The following RRP12 variants were observed in gnomAD, a reference collection of about 807,000 sequenced individuals.
The protein encoded by RRP12 is RRP12-like protein.
Under a neutral mutation model 157.3 loss-of-function variants are expected in RRP12, and 78 were observed. The ratio of observed to expected loss-of-function variants is 0.50; its 90% CI spans 0.41 to 0.60. The LOEUF is 0.60. RRP12 is among the 20% of genes least tolerant of loss of function. The probability of loss-of-function intolerance (pLI) is 0.00; values close to 1 mark genes in which losing one functional copy is unlikely to be tolerated. For missense variants in RRP12, 1,521 were observed against 1,679.9 expected (o/e 0.91, Z 1.65); for synonymous variants, 726 against 670.9 (o/e 1.08, Z -1.27).
At chr10:97,380,960 GCCC>G (rs1236956925) in intron 12 of RRP12, 47 bp from the exon 13 acceptor site, 1 of 1,456,794 alleles carries the variant, frequency 6.9e-7, no homozygotes, top group African/African-American at 1.4e-5. Flanking sequence ...ACCACCCTGT[GCCC>G]CCCACCAGAG....
intron 3 of RRP12, 57 bp downstream of exon 3, chr10:97,396,161 C>T (rs1844956784): frequency 7.8e-7 from 1 of 1,288,198 alleles, no homozygotes; most frequent in African/African-American, 1.5e-5. Context: ...CATCTTCTCG[C>T]TAAATCTTGC....
At chr10:97,397,791 T>C (rs1845008394) in intron 2 of RRP12, among the ~76,000 whole-genome samples, 2 of 150,756 alleles carry the variant, frequency 1.3e-5, no homozygotes, top group Admixed American at 6.7e-5. Flanking sequence ...AAACCCCATC[T>C]CTACAAAAAA....
intron 3 of RRP12, among the ~76,000 whole-genome samples, chr10:97,395,207 T>TATACACACACACACACAC (rs112214269): frequency 8.7e-5 from 13 of 149,972 alleles, no homozygotes; most frequent in African/African-American, 3.0e-4. Context: ...TATACACATA[T>TATACACACACACACACAC]ACACACACAC....
At position 97,363,869 on chromosome 10, in the gene RRP12, A is replaced by G. The variant is rs1187543510; in HGVS notation, c.3552T>C (p.Asp1184=). The G allele has an allele frequency of 2.5e-6, 4 of 1,613,924 alleles. No homozygotes were observed. The highest frequency in any genetic ancestry group is 3.4e-6 in the Non-Finnish European group (4 of 1,179,956). The part of the protein sequence containing the change: ...EDEEMADPME[D]VIIRNKKHQK... ...AACTACTCACATTCCTGATGATCAC[A>G]TCTTCCATTGGGTCAGCCATCTCTT... is the stretch of plus-strand genomic sequence containing the variant. Residue 1184 remains aspartate, a synonymous_variant, in exon 30 of 34, where the codon GAT becomes GAC. Coordinates refer to ENST00000370992, the MANE Select transcript of RRP12 (RefSeq NM_015179.4).
At chr10:97,364,973 C>T (rs1436262096) in intron 29 of RRP12, among the ~76,000 whole-genome samples, 1 of 152,146 alleles carries the variant, frequency 6.6e-6, no homozygotes, top group East Asian at 1.9e-4. Context: ...AGAGAAGACA[C>T]TAGACACGGA....
chr10:97,397,809 A>G (rs1845008874), intron 2 of RRP12, among the ~76,000 whole-genome samples: 2 of 150,618 alleles, frequency 1.3e-5, no homozygotes, highest in African/African-American at 4.9e-5. Flanking sequence ...AAATACAAAA[A>G]TTAGCTTGGT....
intron 30 of RRP12, among the ~76,000 whole-genome samples, chr10:97,362,243 C>T (rs575108212): frequency 6.6e-6 from 1 of 152,162 alleles, no homozygotes; most frequent in Non-Finnish European, 1.5e-5. Flanking sequence ...TCTGCTCAGT[C>T]CCGCTCTGCC....
chr10:97,376,398 A>T (rs891447822), intron 15 of RRP12, among the ~76,000 whole-genome samples: 9 of 151,614 alleles, frequency 5.9e-5, no homozygotes, highest in African/African-American at 2.2e-4. Flanking sequence ...TATTTTTAGT[A>T]GAGACGGGGT....
chr10:97,400,408 T>G lies in RRP12; in HGVS notation c.266A>C (p.Glu89Ala). The change falls in exon 2 of 34, where the codon GAG becomes GCG. Residue 89 changes from glutamate (E) to alanine (A), a missense_variant. Transcript: ENST00000370992. ...ACTCAGGAAGGTACCCGAGGACTTC[T>G]CGGTGAGAACCAGCTCCGCCTCTTC... ...MEEEAELVLTEKSSGTFLSGL... is the reference protein window; with the variant it reads ...MEEEAELVLTAKSSGTFLSGL... 6.2e-7 allele frequency: 1 copy of G among 1,614,100 alleles called. No individual in the cohort carries two copies. Among genetic ancestry groups the G allele is most frequent in the Non-Finnish European group, 8.5e-7 (1 of 1,180,022 alleles).
chr10:97,378,637 A>G (rs564991225), intron 15 of RRP12, among the ~76,000 whole-genome samples: 1 of 152,196 alleles, frequency 6.6e-6, no homozygotes, highest in East Asian at 1.9e-4. Flanking sequence ...CAGGCAGATC[A>G]CCTGAGGTCA....
At position 97,367,143 on chromosome 10, in the gene RRP12, G is replaced by A. The variant is rs1844011323; in HGVS notation, c.2956-11C>T. 2.5e-6 allele frequency: 4 copies of A among 1,612,922 alleles called. No individual in the cohort carries two copies. The highest frequency in any genetic ancestry group is 1.7e-5 in the Admixed American group (1 of 60,008). ...CCCAATGGCTTCCATCTGCCGGACA[G>A]AGCACCAGGCTTTCAGGGAGGCGAG... On this transcript the variant is annotated splice_polypyrimidine_tract_variant and intron_variant, in intron 25 of 33. Coordinates refer to ENST00000370992, the MANE Select transcript of RRP12 (RefSeq NM_015179.4).
intron 4 of RRP12, among the ~76,000 whole-genome samples, chr10:97,392,557 C>T (rs558403364): frequency 1.1e-3 from 161 of 152,146 alleles, no homozygotes; most frequent in African/African-American, 3.8e-3. Context: ...CCATGTTGGC[C>T]AGGCTGGTCT....
intron 3 of RRP12, among the ~76,000 whole-genome samples, chr10:97,395,928 C>A (rs7922512): frequency 0.38 from 57,627 of 151,122 alleles, 11,455 homozygotes; most frequent in African/African-American, 0.49. Flanking sequence ...TGGGAGGCCA[C>A]CGCAAGATGA....
At position 97,395,207 on chromosome 10, in the gene RRP12, T is replaced by TATAC. The variant is rs112214269; in HGVS notation, c.453+1010_453+1011insGTAT. Among the ~76,000 whole-genome samples, 1,100 of 149,900 alleles carry TATAC rather than the reference T, an allele frequency of 7.3e-3. 10 individuals are homozygous for TATAC. The highest frequency in any genetic ancestry group is 0.017 in the African/African-American group (689 of 40,626). On this transcript the variant is annotated intron_variant, in intron 3 of 33. Transcript: ENST00000370992. ...AATAAAAAGTATATATATACACATA[T>TATAC]ACACACACACACACACATACATACA...
At chr10:97,366,674 C>A (rs1045931306) in intron 27 of RRP12, 53 bp from the exon 28 acceptor site, 2 of 1,597,700 alleles carry the variant, frequency 1.3e-6, no homozygotes, top group African/African-American at 1.3e-5. Flanking sequence ...CGGGGGTCAG[C>A]GGGTATTGCC....
At chr10:97,365,642 C>T (rs963060718) in intron 29 of RRP12, among the ~76,000 whole-genome samples, 4 of 151,838 alleles carry the variant, frequency 2.6e-5, no homozygotes, top group African/African-American at 9.7e-5. Flanking sequence ...AAGAGAGCTC[C>T]GAGATGCCAC....
In RRP12 at chr10:97,367,209, G is replaced by C. The variant is rs1385325681; in HGVS notation, c.2956-77C>G. 12 of 1,257,828 alleles carry C rather than the reference G, an allele frequency of 9.5e-6. No individual in the cohort carries two copies. The Admixed American group carries it at 2.0e-4, about 21-fold the overall frequency. 77.9% of individuals were successfully genotyped at this position (1,257,828 alleles called of 1,614,324 possible). ...CCCCTTTACTGCTGTCCAGCCCAGG[G>C]ACGCAGCATGATCAAGCCCAGCTGA... On this transcript the variant is annotated intron_variant, in intron 25 of 33. Transcript: ENST00000370992.
At chr10:97,359,539 A>T (rs1213588166) in intron 31 of RRP12, among the ~76,000 whole-genome samples, 1 of 152,254 alleles carries the variant, frequency 6.6e-6, no homozygotes, top group Non-Finnish European at 1.5e-5. Context: ...ATCCTTGCCC[A>T]AGGTCAGCTG....
At chr10:97,366,419 G>A (rs747627971) in intron 28 of RRP12, 27 bp downstream of exon 28, 2 of 1,579,814 alleles carry the variant, frequency 1.3e-6, no homozygotes, top group Non-Finnish European at 1.7e-6. Flanking sequence ...TCTGTTTTCT[G>A]AGTGCACTGG....
Sources: gnomAD v4.1 joint callset for allele counts (sites outside exome capture counted in the v4.1 genomes callset) on GRCh38, gnomAD v4.1.1 for gene constraint, MANE v1.5 for transcripts, NCBI Gene and HGNC (gene_info 2026-07-23, HGNC 2026-07-21) for gene names.